The following MYOCOS variants were observed in gnomAD, a reference collection of about 807,000 sequenced individuals.
MYOCOS encodes myocilin opposite strand protein.
intron 2 of MYOCOS, among the ~76,000 whole-genome samples, chr1:171,626,115 C>T (rs1652690411): frequency 6.6e-6 from 1 of 152,204 alleles, no homozygotes; most frequent in Admixed American, 6.5e-5. Flanking sequence ...CAGGGTCTCA[C>T]TCTGTCACCC....
chr1:171,600,948 C>G (rs556158741), exon 1 of MYOCOS: 1 of 152,236 alleles, frequency 6.6e-6, no homozygotes, highest in African/African-American at 2.4e-5. Context: ...GACCGGGAAA[C>G]GAGGCAGACA....
Sources: allele counts gnomAD v4.1 joint callset (sites outside exome capture counted in the v4.1 genomes callset), GRCh38; gene constraint gnomAD v4.1.1; transcripts MANE v1.5; gene names NCBI Gene and HGNC (gene_info 2026-07-23, HGNC 2026-07-21).